CCDC7: variants seen among roughly 807,000 people sequenced by gnomAD.
The protein encoded by CCDC7 is coiled-coil domain containing 7.
Under a neutral mutation model 196.9 loss-of-function variants are expected in CCDC7, and 183 were observed. The observed-to-expected ratio is 0.93, with a 90% CI of 0.82 to 1.05. The LOEUF is 1.05. CCDC7 is among the 50% of genes least tolerant of loss of function. CCDC7 has a pLI of 0.00. For synonymous variants in CCDC7, 525 were observed against 484.6 expected, an observed-to-expected ratio of 1.08 and a Z score of -1.10; for missense variants, 1,540 against 1,482.2, an observed-to-expected ratio of 1.04 and a Z score of -0.64.
At chr10:32,712,066 C>A (rs770241924) in intron 25 of CCDC7, among the ~76,000 whole-genome samples, 2 of 152,066 alleles carry the variant, frequency 1.3e-5, no homozygotes, top group Non-Finnish European at 2.9e-5. Context: ...AGTCAGTAGG[C>A]AGAAGTATTG....
intron 18 of CCDC7, among the ~76,000 whole-genome samples, chr10:32,610,252 C>G (rs2061961039): frequency 6.6e-6 from 1 of 151,850 alleles, no homozygotes; most frequent in Admixed American, 6.6e-5. Flanking sequence ...CTACAGGCGC[C>G]CGCCACCACA....
At chr10:32,517,468 A>G (rs2047197038) in intron 9 of CCDC7, among the ~76,000 whole-genome samples, 2 of 151,794 alleles carry the variant, frequency 1.3e-5, no homozygotes, top group Admixed American at 1.3e-4. Context: ...TTCTAGGGAG[A>G]GTATTAAATT....
Position 32,543,071 on chromosome 10 carries a change from T to G in CCDC7, c.994-229T>G, listed in dbSNP as rs554494067. On this transcript the variant is annotated intron_variant, in intron 11 of 41. Coordinates refer to ENST00000639629, the Ensembl canonical transcript of CCDC7. ...AATTGATTGATATTGTCAGAAAAAT[T>G]TAAATGTTTTAATATGTATTAGGTT... 4.9e-4 allele frequency among the ~76,000 whole-genome samples: 74 copies of G among 152,258 alleles called. No individual in the cohort carries two copies. The South Asian group carries it at 0.015, about 30-fold the overall frequency.
chr10:32,546,927 T>A (rs948168228), intron 13 of CCDC7, among the ~76,000 whole-genome samples: 32 of 152,352 alleles, frequency 2.1e-4, no homozygotes, highest in African/African-American at 7.2e-4. Context: ...AGGGGCAGTC[T>A]GCAGTTTCCT....
At chr10:32,684,176 A>T (rs1297935312) in intron 21 of CCDC7, among the ~76,000 whole-genome samples, 3 of 152,126 alleles carry the variant, frequency 2.0e-5, no homozygotes, top group African/African-American at 7.2e-5. Context: ...TGAGGCCTCC[A>T]GTCTGTCCAC....
intron 28 of CCDC7, among the ~76,000 whole-genome samples, chr10:32,758,205 A>G (rs555099015): frequency 6.6e-6 from 1 of 152,342 alleles, no homozygotes; most frequent in South Asian, 2.1e-4. Context: ...TTCTGAAACT[A>G]TTCCAATGAA....
chr10:32,697,333 A>C (rs969053388), intron 24 of CCDC7, among the ~76,000 whole-genome samples: 2 of 152,186 alleles, frequency 1.3e-5, no homozygotes, highest in African/African-American at 2.4e-5. Flanking sequence ...CTGGTTGGAC[A>C]GTGGGTGCAG....
chr10:32,609,559 G>A (rs1225642753), intron 18 of CCDC7, among the ~76,000 whole-genome samples: 2 of 151,968 alleles, frequency 1.3e-5, no homozygotes, highest in Non-Finnish European at 2.9e-5. Flanking sequence ...TTTAAGTGGG[G>A]AACTCATTTA....
upstream of CCDC7, among the ~76,000 whole-genome samples, chr10:32,449,279 C>T (rs1229905766): frequency 1.3e-5 from 2 of 152,062 alleles, no homozygotes; most frequent in Admixed American, 1.3e-4. Flanking sequence ...CCTCTACCTC[C>T]GAGTTCAAGC....
At chr10:32,491,928 C>T in exon 9 of CCDC7, 1 of 1,556,246 alleles carries the variant, frequency 6.4e-7, no homozygotes, top group Non-Finnish European at 8.7e-7. Context: ...ATAGAAACTG[C>T]TCATTCAATG....
At chr10:32,585,077 A>ATTT (rs201630911) in intron 18 of CCDC7, among the ~76,000 whole-genome samples, 1 of 145,616 alleles carries the variant, frequency 6.9e-6, no homozygotes, top group African/African-American at 2.5e-5. Context: ...CTAAACTTAA[A>ATTT]TTTTTTTTTT....
At chr10:32,513,744 A>G (rs1392593517) in intron 9 of CCDC7, 2 of 152,210 alleles carry the variant, frequency 1.3e-5, no homozygotes, top group Non-Finnish European at 2.9e-5. Context: ...AATAAAGGAG[A>G]AAAAATTACA....
chr10:32,453,919 G>A (rs144603667), intron 2 of CCDC7, among the ~76,000 whole-genome samples: 49 of 152,232 alleles, frequency 3.2e-4, no homozygotes, highest in African/African-American at 1.1e-3. Flanking sequence ...AGTTTCGTTC[G>A]TAACTGCCAG....
chr10:32,527,447 G>A lies in CCDC7; in HGVS notation c.993+8942G>A, dbSNP rs151048170. ...GTGTAGATAGTTGTTAAAATTTGGTGTTCCAACAGAGGGGACGAACAGTGT... is the reference window on the plus strand; with the variant it reads ...GTGTAGATAGTTGTTAAAATTTGGTATTCCAACAGAGGGGACGAACAGTGT... On this transcript the variant is annotated intron_variant, in intron 11 of 41. Transcript: ENST00000639629. Among the ~76,000 whole-genome samples, 1,008 of 152,122 alleles carry A rather than the reference G, an allele frequency of 6.6e-3. 8 individuals carry two copies. Among genetic ancestry groups the A allele is most frequent in the African/African-American group, 0.022 (903 of 41,484 alleles).
chr10:32,862,732 AAAG>A (rs1338773271), intron 41 of CCDC7, among the ~76,000 whole-genome samples: 1 of 152,096 alleles, frequency 6.6e-6, no homozygotes, highest in African/African-American at 2.4e-5. Context: ...ACCAAATCAG[AAAG>A]AAAAATACTC....
chr10:32,755,203 G>A (rs2076238858), intron 28 of CCDC7, among the ~76,000 whole-genome samples: 1 of 152,182 alleles, frequency 6.6e-6, no homozygotes, highest in South Asian at 2.1e-4. Context: ...GGGTAGAGCT[G>A]AACAAAAGGC....
At chr10:32,711,166 A>G (rs1310494943) in intron 24 of CCDC7, among the ~76,000 whole-genome samples, 1 of 151,630 alleles carries the variant, frequency 6.6e-6, no homozygotes, top group Non-Finnish European at 1.5e-5. Flanking sequence ...ACACATATAC[A>G]TGTATATATG....
At chr10:32,869,377 G>T (rs2094337436) in intron 41 of CCDC7, among the ~76,000 whole-genome samples, 1 of 152,178 alleles carries the variant, frequency 6.6e-6, no homozygotes, top group Admixed American at 6.6e-5. Context: ...CTTTTGAGAA[G>T]TGTCTGTTCA....
At chr10:32,585,417 G>C (rs1017113358) in intron 18 of CCDC7, among the ~76,000 whole-genome samples, 7 of 152,164 alleles carry the variant, frequency 4.6e-5, no homozygotes, top group African/African-American at 1.7e-4. Flanking sequence ...GGATACATGT[G>C]CAGAACGTGC....
Sources: gnomAD v4.1 joint callset for allele counts (sites outside exome capture counted in the v4.1 genomes callset) on GRCh38, gnomAD v4.1.1 for gene constraint, MANE v1.5 for transcripts, NCBI Gene and HGNC (gene_info 2026-07-23, HGNC 2026-07-21) for gene names.